Variants in GALK1 observed in about 807,000 individuals in gnomAD.
The protein encoded by GALK1 is galactokinase 1.
In GALK1, 30 loss-of-function variants were observed where a neutral mutation model predicts 38.6. That is an observed-to-expected ratio of 0.78 (90% CI 0.58 to 1.05). The LOEUF (loss-of-function observed/expected upper bound fraction) is 1.05, where lower values mean the gene tolerates loss of function less well. GALK1 is among the 50% of genes least tolerant of loss of function. The pLI is 0.00. For synonymous variants in GALK1, 240 were observed against 233.6 expected, an observed-to-expected ratio of 1.03 and a Z score of -0.25; for missense variants, 512 against 540.5, an observed-to-expected ratio of 0.95 and a Z score of 0.52.
Position 75,758,500 on chromosome 17 carries a change from CCACGTCT to C in GALK1, c.886_892del (p.Arg296AlafsTer23), listed in dbSNP as rs1568393503. The C allele has an allele frequency of 6.3e-7, 1 of 1,579,438 alleles. No homozygotes were observed. Among genetic ancestry groups the C allele is most frequent in the Non-Finnish European group, 8.6e-7 (1 of 1,165,706 alleles). Reference sequence around the variant, plus strand: ...GAGGCGGCCAAAGGCTCTGTAGTCGCCACGTCTCAGGGCGGCCGCTGCCTGGGCCGTG... The same window carrying C: ...GAGGCGGCCAAAGGCTCTGTAGTCGCCAGGGCGGCCGCTGCCTGGGCCGTG... On this transcript the variant is annotated frameshift_variant, in exon 6 of 8. Coordinates refer to ENST00000588479, the MANE Select transcript of GALK1 (RefSeq NM_000154.2). LOFTEE classifies it high-confidence loss of function.
intron 8 of GALK1, chr17:75,752,708 C>T (rs948495659): frequency 1.8e-6 from 2 of 1,141,656 alleles, no homozygotes; most frequent in Admixed American, 3.9e-5. Context: ...TGGACAAATG[C>T]AATGGAGTGC....
downstream of GALK1, chr17:75,757,130 AC>A: frequency 6.2e-7 from 1 of 1,609,250 alleles, no homozygotes; most frequent in Non-Finnish European, 8.5e-7. Context: ...CCTTTCCTTC[AC>A]CCCCACCCCT....
rs1271715351 is a variant in GALK1 at position 75,752,289 on chromosome 17, G to C, written c.*23-552C>G. 6.2e-7 allele frequency: 1 copy of C among 1,613,222 alleles called. No homozygotes were observed. Among genetic ancestry groups the C allele is most frequent in the Admixed American group, 1.7e-5 (1 of 60,018 alleles). On this transcript the variant is annotated intron_variant, in intron 8 of 8. Coordinates refer to the GALK1 transcript ENST00000225614. ...GCTACACGGTGAAGGCGCGCAACGG[G>C]GCCGGCTGGGGGCCTGAGCGGGAGG...
At chr17:75,756,949 C>T (rs776224078), downstream of GALK1, 6 of 1,612,470 alleles carry the variant, frequency 3.7e-6, no homozygotes, top group Non-Finnish European at 5.1e-6. Context: ...TCAGGGCCAG[C>T]CACCGCATTC....
chr17:75,758,229 T>C lies in GALK1; in HGVS notation c.1088A>G (p.His363Arg). ...GCCCACCTGGATGTGCCGCATGGCG[T>C]GGGGAGCAGCGGAGGCCTCCAGCAG... The part of the protein sequence containing the change: ...VTLLEASAAP[H>R]AMRHIQEHYG... The change falls in exon 7 of 8, where the codon CAC becomes CGC. Residue 363 changes from histidine to arginine, a missense_variant. Transcript: ENST00000588479. 1 of 1,604,942 alleles carries C rather than the reference T, an allele frequency of 6.2e-7. No individual in the cohort carries two copies. Among genetic ancestry groups the C allele is most frequent in the East Asian group, 2.2e-5 (1 of 44,576 alleles).
At chr17:75,756,401 A>G (rs1315144087), downstream of GALK1, 2 of 1,611,736 alleles carry the variant, frequency 1.2e-6, no homozygotes, top group Non-Finnish European at 1.7e-6. Flanking sequence ...ACACTGCACT[A>G]CTGTGTGCCC....
downstream of GALK1, chr17:75,757,292 A>G (rs774753281): frequency 6.2e-7 from 1 of 1,612,020 alleles, no homozygotes; most frequent in East Asian, 2.2e-5. Flanking sequence ...CACCAGCGCC[A>G]CCGAGCCCTT....
At chr17:75,758,688 C>T (rs2061569577) in intron 5 of GALK1, 89 bp from the exon 6 acceptor site, 3 of 1,499,470 alleles carry the variant, frequency 2.0e-6, no homozygotes, top group Middle Eastern at 2.3e-4. Context: ...TGGCAGTGGC[C>T]CTGGCTGGAC....
At chr17:75,760,771 G>A (rs542335992) in intron 5 of GALK1, among the ~76,000 whole-genome samples, 37 of 151,942 alleles carry the variant, frequency 2.4e-4, no homozygotes, top group Admixed American at 1.8e-3. Context: ...GCAAGACTCA[G>A]TCTCAAAGAA....
At chr17:75,756,406 G>A, downstream of GALK1, 1 of 1,612,464 alleles carries the variant, frequency 6.2e-7, no homozygotes, top group South Asian at 1.1e-5. Context: ...GCACTACTGT[G>A]TGCCCCCACC....
downstream of GALK1, chr17:75,754,417 A>G: frequency 1.2e-6 from 1 of 849,588 alleles, no homozygotes; most frequent in Non-Finnish European, 1.9e-6. Context: ...TCCTGCAGGG[A>G]CAGAGGGCCT....
chr17:75,754,525 G>A, downstream of GALK1: 1 of 1,611,300 alleles, frequency 6.2e-7, no homozygotes, highest in Non-Finnish European at 8.5e-7. Flanking sequence ...TGCCCCACGG[G>A]GCCCGGGTCT....
chr17:75,754,934 G>GCACACATGCACGCACA (rs1253117363), downstream of GALK1: 1 of 1,538,964 alleles, frequency 6.5e-7, no homozygotes, highest in Non-Finnish European at 8.9e-7. Context: ...ACACACGCAT[G>GCACACATGCACGCACA]CACACATGCA....
chr17:75,756,006 C>T (rs1292517890), downstream of GALK1, among the ~76,000 whole-genome samples: 1 of 152,220 alleles, frequency 6.6e-6, no homozygotes, highest in East Asian at 1.9e-4. Context: ...CCCCATTCTC[C>T]ACCCCACTTC....
chr17:75,753,636 A>C, downstream of GALK1: 3 of 551,034 alleles, frequency 5.4e-6, no homozygotes, highest in Non-Finnish European at 5.4e-6. Flanking sequence ...CCCCGCCCCC[A>C]ACACACACCC....
In GALK1 at chr17:75,758,205, C is replaced by T. The variant is rs201663491; in HGVS notation, c.1107+5G>A. ...CTGCCCGCCCAGGCCCTGGTGCCCG[C>T]CCACCTGGATGTGCCGCATGGCGTG... On this transcript the variant is annotated splice_donor_5th_base_variant and intron_variant, in intron 7 of 7. Coordinates refer to ENST00000588479, the MANE Select transcript of GALK1 (RefSeq NM_000154.2). The T allele has an allele frequency of 5.1e-4, 813 of 1,607,606 alleles. 7 individuals are homozygous for T. In the African/African-American group the frequency reaches 8.9e-3, roughly 18 times the overall value.
At chr17:75,762,949 G>A (rs2061593854) in intron 4 of GALK1, 64 bp from the exon 5 acceptor site, 1 of 1,461,786 alleles carries the variant, frequency 6.8e-7, no homozygotes, top group Non-Finnish European at 9.0e-7. Flanking sequence ...GCCAGGCAGT[G>A]GGCACACTCC....
chr17:75,757,259 TACAGCAGCATCACCACCACCC>T (rs756717128), downstream of GALK1: 335 of 1,611,180 alleles, frequency 2.1e-4, 3 homozygotes, highest in Admixed American at 5.6e-3. Context: ...GCAAAGCGAG[TACAGCAGCATCACCACCACCC>T]ACACCAGCGC....
At chr17:75,752,632 G>A (rs2061395796) in intron 8 of GALK1, 4 of 1,607,358 alleles carry the variant, frequency 2.5e-6, no homozygotes, top group Middle Eastern at 1.7e-4. Context: ...GGTACAGAGT[G>A]AGTCCACTGG....
Sources: gnomAD v4.1 joint callset for allele counts (sites outside exome capture counted in the v4.1 genomes callset) on GRCh38, gnomAD v4.1.1 for gene constraint, MANE v1.5 for transcripts, NCBI Gene and HGNC (gene_info 2026-07-23, HGNC 2026-07-21) for gene names.